Variants in MYT1L observed in about 807,000 individuals in gnomAD.
MYT1L encodes the protein myelin transcription factor 1-like protein.
In MYT1L, 12 loss-of-function variants were observed where a neutral mutation model predicts 126.7. The ratio of observed to expected loss-of-function variants is 0.09; its 90% CI spans 0.06 to 0.15. The LOEUF is 0.15. MYT1L is among the 10% of genes least tolerant of loss of function. MYT1L has a pLI of 1.00. For missense variants in MYT1L, 979 were observed against 1,585.2 expected (o/e 0.62, Z 6.49); for synonymous variants, 541 against 604.2 (o/e 0.90, Z 1.53).
intron 2 of MYT1L, among the ~76,000 whole-genome samples, chr2:2,263,897 AAAAAATT>A (rs1399418600): frequency 2.6e-5 from 4 of 152,184 alleles, no homozygotes; most frequent in African/African-American, 9.7e-5. Context: ...TTCTCACTTT[AAAAAATT>A]GGGGTAACAA....
rs2036573814 is a variant in MYT1L, at chr2:1,811,197, C to T, written c.3081-2030G>A. On this transcript the variant is annotated intron_variant, in intron 21 of 24. Transcript: ENST00000647738. The surrounding 1 kb of genome is among the most constrained non-coding windows in gnomAD (Gnocchi z 4.4). Reference sequence around the variant, plus strand: ...GAATAAATTTCTGGTTTCTATGCTGCCCAAGGTATGGTATTTGTTTTTGCA... The same window carrying T: ...GAATAAATTTCTGGTTTCTATGCTGTCCAAGGTATGGTATTTGTTTTTGCA... 6.6e-6 allele frequency: 1 copy of T among 152,158 alleles called. No individual in the cohort carries two copies. The highest frequency in any genetic ancestry group is 6.5e-5 in the Admixed American group (1 of 15,268). 9.4% of individuals were successfully genotyped at this position (152,158 alleles called of 1,614,324 possible).
chr2:2,193,302 G>A (rs1468162542), intron 2 of MYT1L, among the ~76,000 whole-genome samples: 1 of 152,050 alleles, frequency 6.6e-6, no homozygotes, highest in East Asian at 1.9e-4. Context: ...GTCAGTGTCT[G>A]GATTAGAAAA....
chr2:2,162,938 G>A (rs781182619), intron 3 of MYT1L, among the ~76,000 whole-genome samples: 16 of 152,198 alleles, frequency 1.1e-4, no homozygotes, highest in Middle Eastern at 3.4e-3. Context: ...CTGTAACCCC[G>A]TGACCTTGGA....
At chr2:1,904,574 T>C (rs2050784459) in intron 13 of MYT1L, among the ~76,000 whole-genome samples, 1 of 151,962 alleles carries the variant, frequency 6.6e-6, no homozygotes, top group Middle Eastern at 3.2e-3. Flanking sequence ...TTTCACCATG[T>C]TGGCCAGGCT....
chr2:1,981,920 T>G (rs2060642634), intron 5 of MYT1L, among the ~76,000 whole-genome samples: 1 of 152,166 alleles, frequency 6.6e-6, no homozygotes, highest in Admixed American at 6.5e-5. Context: ...TTTAAAAAAC[T>G]TTCTGATGGA....
intron 21 of MYT1L, among the ~76,000 whole-genome samples, chr2:1,829,597 G>GCACCTGTGAATTGACCTTCCCATA (rs2039839430): frequency 1.7e-5 from 1 of 58,506 alleles, no homozygotes; most frequent in African/African-American, 8.2e-5. Context: ...ACCCTCCCAT[G>GCACCTGTGAATTGACCTTCCCATA]CACCTGTGAA....
chr2:2,052,013 G>A (rs2068887361), intron 4 of MYT1L, among the ~76,000 whole-genome samples: 2 of 152,022 alleles, frequency 1.3e-5, no homozygotes, highest in Non-Finnish European at 2.9e-5. Context: ...AAAGAACATA[G>A]TTAGAAATTT....
At chr2:1,941,006 A>G (rs1289310632) in intron 9 of MYT1L, among the ~76,000 whole-genome samples, 1 of 152,230 alleles carries the variant, frequency 6.6e-6, no homozygotes, top group African/African-American at 2.4e-5. Context: ...CTTTAATTCT[A>G]GTTTGCTTTC....
At chr2:2,014,980 T>C (rs1022593534) in intron 4 of MYT1L, among the ~76,000 whole-genome samples, 2 of 152,228 alleles carry the variant, frequency 1.3e-5, no homozygotes, top group African/African-American at 4.8e-5. Flanking sequence ...CAAAGGGCTA[T>C]TGGATTTCTT....
In MYT1L at chr2:2,063,220, A is replaced by G. The variant is rs571332104; in HGVS notation, c.-303-9097T>C. Among the ~76,000 whole-genome samples the G allele has an allele frequency of 2.0e-5, 3 of 152,300 alleles. No homozygotes were observed. In the East Asian group the frequency reaches 5.8e-4, roughly 29 times the overall value. On this transcript the variant is annotated intron_variant, in intron 3 of 24. Transcript: ENST00000647738. ...AATGTGTTCTCATTCAGCAAACCCAATGTAGCTTCTCTTCTGTGACTCAGA... is the reference window on the plus strand; with the variant it reads ...AATGTGTTCTCATTCAGCAAACCCAGTGTAGCTTCTCTTCTGTGACTCAGA...
At chr2:2,233,557 C>T (rs1009849877) in intron 2 of MYT1L, among the ~76,000 whole-genome samples, 6 of 152,178 alleles carry the variant, frequency 3.9e-5, no homozygotes, top group African/African-American at 1.4e-4. Flanking sequence ...ACTCGTGTGT[C>T]CCTGGCACAG....
chr2:1,980,749 T>G (rs1261515484), intron 5 of MYT1L, among the ~76,000 whole-genome samples: 2 of 152,196 alleles, frequency 1.3e-5, no homozygotes, highest in Non-Finnish European at 2.9e-5. Context: ...TGTCTTTGTT[T>G]CCACTAAGCC....
At chr2:2,031,489 C>G in intron 4 of MYT1L, among the ~76,000 whole-genome samples, 1 of 147,396 alleles carries the variant, frequency 6.8e-6, no homozygotes, top group South Asian at 2.3e-4. Context: ...TGGCCCAAAG[C>G]AGATTCTAGA....
At chr2:2,004,320 G>GTGCCTTCTTTCCTGTGT (rs1558698497) in intron 4 of MYT1L, among the ~76,000 whole-genome samples, 1 of 20,362 alleles carries the variant, frequency 4.9e-5, no homozygotes, top group Non-Finnish European at 9.3e-5. Context: ...CTTTCCTGCA[G>GTGCCTTCTTTCCTGTGT]GCGTTCTTTC....
At chr2:2,216,536 A>G (rs2093681248) in intron 2 of MYT1L, among the ~76,000 whole-genome samples, 1 of 152,172 alleles carries the variant, frequency 6.6e-6, no homozygotes, top group African/African-American at 2.4e-5. Context: ...TGGGCATTTA[A>G]TTTGCAACAT....
intron 21 of MYT1L, chr2:1,826,806 T>C: frequency 7.6e-6 from 1 of 131,978 alleles, no homozygotes; most frequent in Non-Finnish European, 1.5e-5. Context: ...AGTGGTTCAG[T>C]AAGGCCAGTT....
At chr2:2,004,211 G>GTTCTTTCCTGCAGGCA (rs1169647603) in intron 4 of MYT1L, among the ~76,000 whole-genome samples, 4 of 122,174 alleles carry the variant, frequency 3.3e-5, no homozygotes, top group African/African-American at 6.0e-5. Flanking sequence ...TCCTGAATGT[G>GTTCTTTCCTGCAGGCA]TTCTTTCCTG....
chr2:2,312,511 G>T (rs2149614826), intron 1 of MYT1L, among the ~76,000 whole-genome samples: 1 of 152,218 alleles, frequency 6.6e-6, no homozygotes, highest in Admixed American at 6.5e-5. Context: ...TACTCAGGAG[G>T]CTGAGGTGGG....
At chr2:1,934,307 T>TATATATATATACACAC (rs71276816) in intron 9 of MYT1L, among the ~76,000 whole-genome samples, 8 of 132,134 alleles carry the variant, frequency 6.1e-5, no homozygotes, top group African/African-American at 2.2e-4. Flanking sequence ...TATATATATA[T>TATATATATATACACAC]ACAACCTCAT....
Sources: allele counts gnomAD v4.1 joint callset (sites outside exome capture counted in the v4.1 genomes callset), GRCh38; gene constraint gnomAD v4.1.1; non-coding constraint Gnocchi (gnomAD v3.1); transcripts MANE v1.5; gene names NCBI Gene and HGNC (gene_info 2026-07-23, HGNC 2026-07-21).